Variants in ZC3H15 observed in about 807,000 individuals in gnomAD.
ZC3H15 encodes the protein zinc finger CCCH domain-containing protein 15.
A neutral mutation model predicts 51.2 loss-of-function variants in ZC3H15; 15 were observed. That is an observed-to-expected ratio of 0.29 (90% CI 0.20 to 0.45). The LOEUF is 0.45. Among genes scored for constraint, ZC3H15 ranks in the 20% least tolerant of loss-of-function variants. The pLI, the probability that ZC3H15 is intolerant of heterozygous loss-of-function variation, is 1.00. For missense variants in ZC3H15, 381 were observed against 494.7 expected (o/e 0.77, Z 2.18); for synonymous variants, 144 against 162.8 (o/e 0.88, Z 0.88).
chr2:186,491,447 G>A (rs1685197750), intron 1 of ZC3H15, among the ~76,000 whole-genome samples: 1 of 152,106 alleles, frequency 6.6e-6, no homozygotes, highest in Non-Finnish European at 1.5e-5. Context: ...ACTTGCCCAA[G>A]TTTACTAACC....
chr2:186,494,271 T>C (rs187083772), intron 1 of ZC3H15, among the ~76,000 whole-genome samples: 1 of 152,334 alleles, frequency 6.6e-6, no homozygotes, highest in Admixed American at 6.5e-5. Context: ...ACTTTTAGTA[T>C]TTCCATCTTA....
chr2:186,500,884 A>T, intron 3 of ZC3H15, among the ~76,000 whole-genome samples: 1 of 152,168 alleles, frequency 6.6e-6, no homozygotes, highest in East Asian at 1.9e-4. Flanking sequence ...CATGTTGGCC[A>T]GGATGGGCTC....
At chr2:186,501,164 C>A in intron 3 of ZC3H15, 109 bp from the exon 4 acceptor site, 1 of 1,206,712 alleles carries the variant, frequency 8.3e-7, no homozygotes, top group East Asian at 2.5e-5. Context: ...TTTCCTCTCA[C>A]ATCAGTGAAT....
At chr2:186,503,908 A>G in intron 5 of ZC3H15, 124 bp from the exon 6 acceptor site, 1 of 714,122 alleles carries the variant, frequency 1.4e-6, no homozygotes, top group Non-Finnish European at 2.1e-6. Flanking sequence ...TATGTGCAGA[A>G]ATGAATAGAA....
At chr2:186,499,587 C>T in intron 2 of ZC3H15, 1 of 455,934 alleles carries the variant, frequency 2.2e-6, no homozygotes, top group Non-Finnish European at 4.4e-6. Context: ...GCATCTTTGT[C>T]TTTTCATTGT....
chr2:186,509,167 T>C lies in ZC3H15; in HGVS notation c.*434T>C. ...AGAAGACTGCCTAAAACATGAGCAC[T>C]GTACTTCATAAAGGAAACTGCGTAT... On this transcript the variant is annotated 3_prime_UTR_variant, in exon 10 of 10. Coordinates refer to ENST00000337859, the MANE Select transcript of ZC3H15 (RefSeq NM_018471.3). 1 of 376,528 alleles carries C rather than the reference T, an allele frequency of 2.7e-6. No individual in the cohort carries two copies. Among genetic ancestry groups the C allele is most frequent in the Non-Finnish European group, 5.2e-6 (1 of 192,514 alleles). 23.3% of individuals were successfully genotyped at this position (376,528 alleles called of 1,614,324 possible). A position where few individuals can be genotyped will look rare whatever the true frequency, so the allele number is the denominator to read the frequency against.
chr2:186,495,464 C>A, intron 2 of ZC3H15, 130 bp downstream of exon 2: 1 of 597,552 alleles, frequency 1.7e-6, no homozygotes, highest in Non-Finnish European at 2.7e-6. Context: ...GTTTTTGCAC[C>A]TTGGCCTTCC....
rs1349916211 is a variant in ZC3H15, at chr2:186,488,180, G to C, written c.75+1723G>C. ...ATATTATTTTTTTAATTTATTTTTTGTTGAGGTATAACTTATGTAAAATAA... is the reference window on the plus strand; with the variant it reads ...ATATTATTTTTTTAATTTATTTTTTCTTGAGGTATAACTTATGTAAAATAA... On this transcript the variant is annotated intron_variant, in intron 1 of 9. Transcript: ENST00000337859. Among the ~76,000 whole-genome samples, 4 of 151,884 alleles carry C rather than the reference G, an allele frequency of 2.6e-5. No individual in the cohort carries two copies. In the East Asian group the frequency reaches 7.7e-4, roughly 29 times the overall value.
intron 4 of ZC3H15, among the ~76,000 whole-genome samples, 164 bp from the exon 5 acceptor site, chr2:186,502,332 A>G (rs139679580): frequency 1.2e-3 from 187 of 152,214 alleles, no homozygotes; most frequent in Admixed American, 3.1e-3. Flanking sequence ...TGATCATGCT[A>G]TCACACTCCA....
intron 9 of ZC3H15, chr2:186,507,450 CTG>C (rs972396606): frequency 2.4e-5 from 11 of 456,474 alleles, no homozygotes; most frequent in Non-Finnish European, 4.4e-5. Flanking sequence ...CTAAATGTAT[CTG>C]TAGCTCAGAG....
At chr2:186,499,383 C>T (rs867276142) in intron 2 of ZC3H15, among the ~76,000 whole-genome samples, 2 of 152,210 alleles carry the variant, frequency 1.3e-5, no homozygotes, top group African/African-American at 4.8e-5. Flanking sequence ...TTCCTCTAGT[C>T]CCTGTAACTT....
Position 186,501,333 on chromosome 2 carries a change from A to G in ZC3H15, c.350A>G (p.Asp117Gly). ...AAGCAAGGACAGTGTACTAAAGGAG[A>G]TAAGTGTAAGTTCTCCCATGACTTG... ...FFKQGQCTKGDKCKFSHDLTL... is the reference protein window; with the variant it reads ...FFKQGQCTKGGKCKFSHDLTL... The change falls in exon 4 of 10, where the codon GAT becomes GGT. Residue 117 changes from aspartate to glycine, a missense_variant. By Grantham distance (94) the Asp-to-Gly change is moderately conservative (BLOSUM62 -1). Around this residue, in one of 3 missense-constraint regions of ZC3H15, gnomAD observed 125 missense variants for 166.3 expected, o/e 0.75. Coordinates refer to ENST00000337859, the MANE Select transcript of ZC3H15 (RefSeq NM_018471.3). 1 of 1,613,922 alleles carries G rather than the reference A, an allele frequency of 6.2e-7. No homozygotes were observed. Among genetic ancestry groups the G allele is most frequent in the Non-Finnish European group, 8.5e-7 (1 of 1,179,892 alleles).
At chr2:186,487,994 G>A (rs1445332982) in intron 1 of ZC3H15, among the ~76,000 whole-genome samples, 3 of 151,952 alleles carry the variant, frequency 2.0e-5, no homozygotes, top group East Asian at 3.8e-4. Flanking sequence ...ATCTTGTGAC[G>A]AAATTATTTT....
chr2:186,496,469 T>C (rs1365107036), intron 2 of ZC3H15, among the ~76,000 whole-genome samples: 1 of 152,222 alleles, frequency 6.6e-6, no homozygotes, highest in African/African-American at 2.4e-5. Context: ...CCCAAAGTGC[T>C]AGGATTACAC....
chr2:186,500,245 C>G lies in ZC3H15; in HGVS notation c.241C>G (p.Leu81Val). Residue 81 changes from leucine to valine, a missense_variant, in exon 3 of 10, where the codon CTA becomes GTA. Physicochemically the swap from Leu to Val is conservative, Grantham distance 32. Transcript: ENST00000337859. ...KDDKKKELQE[L>V]NELFKPVVAA... Reference sequence around the variant, plus strand: ...TGACAAGAAGAAAGAATTGCAGGAGCTAAATGAGCTGTTCAAACCTGTAGT... The same window carrying G: ...TGACAAGAAGAAAGAATTGCAGGAGGTAAATGAGCTGTTCAAACCTGTAGT... 2 of 1,613,394 alleles carry G rather than the reference C, an allele frequency of 1.2e-6. No individual in the cohort carries two copies. The highest frequency in any genetic ancestry group is 1.7e-6 in the Non-Finnish European group (2 of 1,179,770).
At position 186,508,659 on chromosome 2, in the gene ZC3H15, G is replaced by A; in HGVS notation, c.1207G>A (p.Asp403Asn). Residue 403 changes from aspartate to asparagine, a missense_variant, in exon 10 of 10, where the codon GAT becomes AAT. By Grantham distance (23) the Asp-to-Asn change is conservative. Coordinates refer to ENST00000337859, the MANE Select transcript of ZC3H15 (RefSeq NM_018471.3). ...TGGAGCCATTGATGCTGTTCCTGTT[G>A]ATGAAAATCTTTTCACTGGAGAGGA... Reference protein sequence around the residue: ...ENGAIDAVPVDENLFTGEDLD... With the variant: ...ENGAIDAVPVNENLFTGEDLD... 1 of 1,614,104 alleles carries A rather than the reference G, an allele frequency of 6.2e-7. No individual in the cohort carries two copies. The highest frequency in any genetic ancestry group is 8.5e-7 in the Non-Finnish European group (1 of 1,179,992).
chr2:186,502,941 G>A (rs1299376728), intron 5 of ZC3H15, among the ~76,000 whole-genome samples: 1 of 152,020 alleles, frequency 6.6e-6, no homozygotes, highest in African/African-American at 2.4e-5. Flanking sequence ...ACTTAATAAT[G>A]TATTTAGTTT....
chr2:186,506,990 G>C (rs1210699033), intron 9 of ZC3H15, among the ~76,000 whole-genome samples, 154 bp downstream of exon 9: 1 of 152,144 alleles, frequency 6.6e-6, no homozygotes, highest in Admixed American at 6.5e-5. Flanking sequence ...AATAGTGAAA[G>C]GCTGTAGACA....
intron 1 of ZC3H15, among the ~76,000 whole-genome samples, chr2:186,488,100 A>C (rs1158462317): frequency 1.3e-5 from 2 of 152,162 alleles, no homozygotes; most frequent in African/African-American, 4.8e-5. Context: ...TAAAAATATT[A>C]ACAACAACAA....
Sources: gnomAD v4.1 joint callset for allele counts (sites outside exome capture counted in the v4.1 genomes callset) on GRCh38, gnomAD v4.1.1 for gene constraint, gnomAD v4.1.1 regional missense constraint, MANE v1.5 for transcripts, NCBI Gene and HGNC (gene_info 2026-07-23, HGNC 2026-07-21) for gene names.